The following NHERF1 variants were observed in gnomAD, a reference collection of about 807,000 sequenced individuals.
NHERF1 encodes Na(+)/H(+) exchange regulatory cofactor NHE-RF1.
At chr17:74,750,108 G>A in the NHERF1 span, among the ~76,000 whole-genome samples, 1 of 152,248 alleles carries the variant, frequency 6.6e-6, no homozygotes, top group African/African-American at 2.4e-5. Context: ...CCCTGTGTGC[G>A]CCAGCGGAGC....
At chr17:74,768,987 C>G in the NHERF1 span, 3 of 397,100 alleles carry the variant, frequency 7.6e-6, no homozygotes, top group Admixed American at 1.3e-4. Context: ...GGCACCCTCC[C>G]TTCCTCCCCC....
chr17:74,763,949 C>G, the NHERF1 span, among the ~76,000 whole-genome samples: 3 of 152,196 alleles, frequency 2.0e-5, no homozygotes, highest in African/African-American at 7.2e-5. Flanking sequence ...CGGTGCCTCC[C>G]CCTCCCTCCT....
the NHERF1 span, chr17:74,749,398 G>C: frequency 4.6e-6 from 5 of 1,078,098 alleles, no homozygotes; most frequent in South Asian, 4.9e-5. The surrounding 1 kb of genome is among the most constrained non-coding windows in gnomAD (Gnocchi z 5.6). Context: ...TCTGAAACTC[G>C]AGCTGCGAGG....
chr17:74,749,208 A>AGCCGCCG, the NHERF1 span: 1 of 1,525,298 alleles, frequency 6.6e-7, no homozygotes, highest in Non-Finnish European at 8.8e-7. This position sits in a 1 kb window ranked among gnomAD's most constrained non-coding sequence, Gnocchi z 5.6. Context: ...GGGCAGGCCG[A>AGCCGCCG]GCCGCCGGCC....
At chr17:74,749,484 C>T in the NHERF1 span, among the ~76,000 whole-genome samples, 2 of 152,236 alleles carry the variant, frequency 1.3e-5, no homozygotes, top group Non-Finnish European at 2.9e-5. This position sits in a 1 kb window ranked among gnomAD's most constrained non-coding sequence, Gnocchi z 5.6. Flanking sequence ...CCGCGACCTC[C>T]TCTCCTTCCC....
the NHERF1 span, among the ~76,000 whole-genome samples, chr17:74,759,825 T>A: frequency 6.6e-6 from 1 of 152,038 alleles, no homozygotes; most frequent in Non-Finnish European, 1.5e-5. Context: ...AGGTTCCAAG[T>A]CAGAGACCAG....
the NHERF1 span, among the ~76,000 whole-genome samples, chr17:74,755,408 G>C: frequency 1.3e-5 from 2 of 152,158 alleles, no homozygotes; most frequent in Non-Finnish European, 1.5e-5. Context: ...CCTCAAGGGT[G>C]GTCTTCACTG....
chr17:74,764,817 T>C, the NHERF1 span, among the ~76,000 whole-genome samples: 1 of 152,170 alleles, frequency 6.6e-6, no homozygotes, highest in Non-Finnish European at 1.5e-5. The surrounding 1 kb of genome is among the most constrained non-coding windows in gnomAD (Gnocchi z 4.9). Context: ...TGCCCCCCTC[T>C]CCGGCTGCCA....
chr17:74,766,362 A>T, the NHERF1 span, among the ~76,000 whole-genome samples: 1 of 151,316 alleles, frequency 6.6e-6, no homozygotes, highest in African/African-American at 2.4e-5. Context: ...ATGCCCAGCT[A>T]ATTTTCTTTT....
the NHERF1 span, chr17:74,769,325 CTT>C: frequency 6.6e-6 from 1 of 152,314 alleles, no homozygotes; most frequent in Non-Finnish European, 1.5e-5. Flanking sequence ...TAAGGAAACA[CTT>C]TCAGAAATTC....
At chr17:74,766,744 C>T in the NHERF1 span, among the ~76,000 whole-genome samples, 9,233 of 151,964 alleles carry the variant, frequency 0.061, 399 homozygotes, top group East Asian at 0.12. Context: ...GGCAAGGCCC[C>T]ATCTCTATAA....
the NHERF1 span, chr17:74,768,030 G>A: frequency 1.1e-5 from 9 of 805,920 alleles, no homozygotes; most frequent in East Asian, 1.9e-4. Flanking sequence ...TGGGTGGCCA[G>A]GGCATCAGTG....
the NHERF1 span, among the ~76,000 whole-genome samples, chr17:74,766,316 C>T: frequency 4.6e-5 from 7 of 152,038 alleles, 1 homozygote; most frequent in Admixed American, 3.9e-4. Context: ...CCCACCTCAG[C>T]CTCCCAAGTA....
the NHERF1 span, chr17:74,749,104 G>T: frequency 1.3e-6 from 2 of 1,582,538 alleles, no homozygotes; most frequent in Non-Finnish European, 8.6e-7. The surrounding 1 kb of genome is among the most constrained non-coding windows in gnomAD (Gnocchi z 5.6). Flanking sequence ...TCAACGCCGT[G>T]CGCCTGCTGG....
chr17:74,751,337 T>C, the NHERF1 span, among the ~76,000 whole-genome samples: 3 of 152,264 alleles, frequency 2.0e-5, no homozygotes. This position sits in a 1 kb window ranked among gnomAD's most constrained non-coding sequence, Gnocchi z 4.3. Context: ...AGTTCGTTTT[T>C]CTAAAACACA....
At chr17:74,748,821 GCGC>G in the NHERF1 span, 2 of 1,571,454 alleles carry the variant, frequency 1.3e-6, no homozygotes, top group Non-Finnish European at 1.7e-6. The surrounding 1 kb of genome is among the most constrained non-coding windows in gnomAD (Gnocchi z 4.3). Context: ...ACCCCAAGTC[GCGC>G]CGCTGACCCG....
chr17:74,762,781 C>G, the NHERF1 span, among the ~76,000 whole-genome samples: 2 of 152,196 alleles, frequency 1.3e-5, no homozygotes, highest in African/African-American at 4.8e-5. This position sits in a 1 kb window ranked among gnomAD's most constrained non-coding sequence, Gnocchi z 4.2. Context: ...TGGTCTCAAA[C>G]TCCTGACCTC....
the NHERF1 span, among the ~76,000 whole-genome samples, chr17:74,761,607 C>T: frequency 2.0e-5 from 3 of 152,144 alleles, no homozygotes; most frequent in African/African-American, 4.8e-5. The surrounding 1 kb of genome is among the most constrained non-coding windows in gnomAD (Gnocchi z 4.3). Context: ...GCCAGGCTGA[C>T]GGGTGCCACA....
chr17:74,755,363 C>T, the NHERF1 span, among the ~76,000 whole-genome samples: 5 of 152,298 alleles, frequency 3.3e-5, no homozygotes, highest in Admixed American at 2.0e-4. Flanking sequence ...TATCTACCCC[C>T]GCCCTCACTC....
Sources: allele counts gnomAD v4.1 joint callset (sites outside exome capture counted in the v4.1 genomes callset), GRCh38; gene constraint gnomAD v4.1.1; non-coding constraint Gnocchi (gnomAD v3.1); transcripts MANE v1.5; gene names NCBI Gene and HGNC (gene_info 2026-07-23, HGNC 2026-07-21).